LMNTD1: variants seen among roughly 807,000 people sequenced by gnomAD.
LMNTD1 encodes the protein lamin tail domain containing 1, also known as lamin tail domain-containing protein 1.
A neutral mutation model predicts 50.9 loss-of-function variants in LMNTD1; 35 were observed. The ratio of observed to expected loss-of-function variants is 0.69; its 90% CI spans 0.53 to 0.91. LMNTD1 has a LOEUF of 0.91. LMNTD1 is among the 40% of genes least tolerant of loss of function. LMNTD1 has a pLI of 0.00. For synonymous variants in LMNTD1, 153 were observed against 161.9 expected (o/e 0.94, Z 0.42); for missense variants, 470 against 475.5 (o/e 0.99, Z 0.11).
intron 1 of LMNTD1, among the ~76,000 whole-genome samples, chr12:25,582,250 GC>G (rs1261679601): frequency 6.6e-6 from 1 of 152,174 alleles, no homozygotes; most frequent in African/African-American, 2.4e-5. Flanking sequence ...ATTTTCTACA[GC>G]CACAAATAAC....
intron 1 of LMNTD1, among the ~76,000 whole-genome samples, chr12:25,627,903 A>T (rs1480417739): frequency 6.6e-6 from 1 of 151,746 alleles, no homozygotes; most frequent in Non-Finnish European, 1.5e-5. Context: ...AGGTCAGGAG[A>T]TCGAGACCAT....
At chr12:25,644,725 A>G (rs1277294279) in intron 1 of LMNTD1, among the ~76,000 whole-genome samples, 1 of 152,110 alleles carries the variant, frequency 6.6e-6, no homozygotes, top group African/African-American at 2.4e-5. Context: ...GCAGAATAGA[A>G]GGAGTTTAAC....
At chr12:25,545,261 A>G (rs1943361627) in intron 4 of LMNTD1, among the ~76,000 whole-genome samples, 1 of 151,660 alleles carries the variant, frequency 6.6e-6, no homozygotes, top group Non-Finnish European at 1.5e-5. Context: ...GTTTTAACAC[A>G]TTAAAAACAT....
chr12:25,535,630 A>G (rs1222166013), intron 4 of LMNTD1, among the ~76,000 whole-genome samples: 1 of 152,114 alleles, frequency 6.6e-6, no homozygotes. Context: ...AATTTAGACA[A>G]AAGTAGTAGA....
chr12:25,513,623 C>T (rs1282896917), intron 8 of LMNTD1, among the ~76,000 whole-genome samples: 1 of 152,158 alleles, frequency 6.6e-6, no homozygotes, highest in Non-Finnish European at 1.5e-5. Flanking sequence ...GTGAGAGAGT[C>T]AGACTCTGCT....
chr12:25,592,195 G>A (rs934917216), intron 1 of LMNTD1, among the ~76,000 whole-genome samples: 4 of 152,166 alleles, frequency 2.6e-5, no homozygotes, highest in East Asian at 1.9e-4. Flanking sequence ...ATCAGAAGGA[G>A]AGGATCATGG....
At chr12:25,558,790 T>G (rs1293628976) in intron 1 of LMNTD1, among the ~76,000 whole-genome samples, 1 of 152,144 alleles carries the variant, frequency 6.6e-6, no homozygotes, top group Admixed American at 6.6e-5. Flanking sequence ...TTAGTCACTA[T>G]CATAAGAACA....
chr12:25,559,885 A>T (rs1407050649), intron 1 of LMNTD1, among the ~76,000 whole-genome samples: 1 of 151,800 alleles, frequency 6.6e-6, no homozygotes, highest in Non-Finnish European at 1.5e-5. Context: ...CCACTTTTTG[A>T]TGGGGTTGAT....
intron 8 of LMNTD1, among the ~76,000 whole-genome samples, chr12:25,509,328 G>A (rs1181161498): frequency 1.3e-5 from 2 of 152,100 alleles, no homozygotes; most frequent in Non-Finnish European, 2.9e-5. Flanking sequence ...GGCTGGTCTC[G>A]AACTCCTGAC....
At chr12:25,594,118 T>C (rs551335363) in intron 1 of LMNTD1, among the ~76,000 whole-genome samples, 4 of 152,218 alleles carry the variant, frequency 2.6e-5, no homozygotes, top group Middle Eastern at 3.4e-3. Context: ...AGAAGAGAAA[T>C]CTAAAAGTTT....
At chr12:25,609,330 T>C (rs1395275093) in intron 1 of LMNTD1, among the ~76,000 whole-genome samples, 2 of 152,176 alleles carry the variant, frequency 1.3e-5, no homozygotes, top group South Asian at 2.1e-4. Flanking sequence ...TCTGTCAACT[T>C]GTCAAAGTCA....
intron 4 of LMNTD1, among the ~76,000 whole-genome samples, chr12:25,537,782 G>A (rs1481077706): frequency 2.6e-5 from 4 of 151,914 alleles, no homozygotes; most frequent in African/African-American, 7.3e-5. Flanking sequence ...TCTGAGCTAT[G>A]GGAGGACATT....
At chr12:25,553,980 A>G (rs1389515340), upstream of LMNTD1, among the ~76,000 whole-genome samples, 1 of 152,236 alleles carries the variant, frequency 6.6e-6, no homozygotes, top group Non-Finnish European at 1.5e-5. Flanking sequence ...CTTCTAATAT[A>G]GATTTGAAAA....
intron 1 of LMNTD1, among the ~76,000 whole-genome samples, chr12:25,640,916 C>T (rs112681281): frequency 6.6e-6 from 1 of 152,270 alleles, no homozygotes; most frequent in African/African-American, 2.4e-5. Context: ...ATCCACCTGC[C>T]TCGGCCTCCC....
chr12:25,495,189 C>G (rs1461995804), intron 9 of LMNTD1, among the ~76,000 whole-genome samples: 1 of 151,430 alleles, frequency 6.6e-6, no homozygotes, highest in Non-Finnish European at 1.5e-5. Flanking sequence ...TATCATAGGA[C>G]CAGTGCTTAC....
rs529524219 is a variant in LMNTD1 at position 25,531,731 on chromosome 12, T to C, written c.492-4776A>G. ...TTCTGTGTTTCCATCAATACCATTC[T>C]ACCTCAATCTTTCTTCTCCTTCAGT... On this transcript the variant is annotated intron_variant, in intron 4 of 9. Transcript: ENST00000458174. 5.1e-3 allele frequency among the ~76,000 whole-genome samples: 770 copies of C among 152,334 alleles called. 8 individuals carry two copies. Among genetic ancestry groups the C allele is most frequent in the African/African-American group, 0.017 (719 of 41,574 alleles).
At chr12:25,520,297 T>C (rs1171276380) in intron 6 of LMNTD1, among the ~76,000 whole-genome samples, 1 of 151,848 alleles carries the variant, frequency 6.6e-6, no homozygotes, top group Non-Finnish European at 1.5e-5. Context: ...TCATTAACTA[T>C]AGTCCTTATA....
intron 3 of LMNTD1, among the ~76,000 whole-genome samples, chr12:25,548,645 A>G (rs373086210): frequency 6.6e-4 from 100 of 152,102 alleles, no homozygotes; most frequent in South Asian, 5.6e-3. Flanking sequence ...GTAGAAAAAC[A>G]GTAGGTCCTG....
chr12:25,595,242 T>C (rs1592085859), intron 1 of LMNTD1, among the ~76,000 whole-genome samples: 1 of 152,270 alleles, frequency 6.6e-6, no homozygotes, highest in Non-Finnish European at 1.5e-5. Context: ...AACAGATGTA[T>C]AGAGAATATT....
Sources: gnomAD v4.1 joint callset for allele counts (sites outside exome capture counted in the v4.1 genomes callset) on GRCh38, gnomAD v4.1.1 for gene constraint, MANE v1.5 for transcripts, NCBI Gene and HGNC (gene_info 2026-07-23, HGNC 2026-07-21) for gene names.